Variants in SYMPK observed in about 807,000 individuals in gnomAD.
SYMPK encodes the protein symplekin.
SYMPK carries 49 observed loss-of-function variants against 136.4 expected under a neutral mutation model. That is an observed-to-expected ratio of 0.36 (90% confidence interval 0.29 to 0.46). The LOEUF is 0.46. Ranked by LOEUF, SYMPK falls within the 20% of genes least tolerant of loss-of-function variation. The pLI, the probability that SYMPK is intolerant of heterozygous loss-of-function variation, is 1.00. For synonymous variants in SYMPK, 766 were observed against 713.0 expected (o/e 1.07, Z -1.19); for missense variants, 1,365 against 1,690.0 (o/e 0.81, Z 3.37).
chr19:45,846,917 C>T (rs1412839894), intron 7 of SYMPK, among the ~76,000 whole-genome samples: 2 of 151,926 alleles, frequency 1.3e-5, no homozygotes, highest in Non-Finnish European at 2.9e-5. Flanking sequence ...CCTCAGCCTC[C>T]CAAGTAGCTG....
intron 18 of SYMPK, among the ~76,000 whole-genome samples, chr19:45,824,691 GTC>G (rs1184518250): frequency 1.3e-4 from 20 of 152,312 alleles, no homozygotes; most frequent in Admixed American, 1.2e-3. Flanking sequence ...TCAGGTGCTA[GTC>G]TGTCACTGAG....
chr19:45,821,563 C>A lies in SYMPK; in HGVS notation c.2792-78G>T, dbSNP rs79977829. The A allele has an allele frequency of 2.1e-6, 2 of 962,140 alleles. No individual in the cohort carries two copies. Among genetic ancestry groups the A allele is most frequent in the East Asian group, 2.5e-5 (1 of 39,598 alleles). The allele number at this position is 962,140 out of a possible 1,614,324, so 59.6% of individuals were successfully genotyped here. On this transcript the variant is annotated intron_variant, in intron 21 of 26. Coordinates refer to ENST00000245934, the MANE Select transcript of SYMPK (RefSeq NM_004819.3). The surrounding 1 kb of genome is among the most constrained non-coding windows in gnomAD (Gnocchi z 4.4). ...AGAGATGGGTCTGAGTTCCCCAGAT[C>A]GGGGGAGCTGCGAGCAAAGATGAGG... is the stretch of plus-strand genomic sequence containing the variant.
intron 9 of SYMPK, among the ~76,000 whole-genome samples, chr19:45,840,312 C>CAAA (rs546768442): frequency 1.2e-4 from 7 of 57,132 alleles, no homozygotes; most frequent in South Asian, 5.6e-4. Flanking sequence ...GAGACTGTCT[C>CAAA]AAAAAAAAAA....
At chr19:45,839,929 G>A (rs1309540513) in intron 9 of SYMPK, among the ~76,000 whole-genome samples, 1 of 152,168 alleles carries the variant, frequency 6.6e-6, no homozygotes, top group Non-Finnish European at 1.5e-5. Flanking sequence ...ATCTCCCCCA[G>A]CTTATTACTG....
chr19:45,835,055 G>C lies in SYMPK; in HGVS notation c.1393+23C>G, dbSNP rs200247244. The stretch of plus-strand genomic sequence containing the variant: ...GCCACAAGTGCCAATCCCTGGCCCA[G>C]GTTAGGGCCAGGACACACTCACCTG... On this transcript the variant is annotated intron_variant, in intron 11 of 26. Transcript: ENST00000245934. 4 of 1,522,622 alleles carry C rather than the reference G, an allele frequency of 2.6e-6. No homozygotes were observed. In the African/African-American group the frequency reaches 4.1e-5, roughly 16 times the overall value. The allele number at this position is 1,522,622 out of a possible 1,614,324, so 94.3% of individuals were successfully genotyped here. A position where few individuals can be genotyped will look rare whatever the true frequency, so the allele number is the denominator to read the frequency against.
At position 45,815,480 on chromosome 19, in the gene SYMPK, G is replaced by T; in HGVS notation, c.*80C>A. Reference sequence around the variant, plus strand: ...TTCACATCTTTTATTTCTTTTTAAGGCAAAGCACCCGCAGGTCAAGCCCCG... The same window carrying T: ...TTCACATCTTTTATTTCTTTTTAAGTCAAAGCACCCGCAGGTCAAGCCCCG... On this transcript the variant is annotated 3_prime_UTR_variant, in exon 27 of 27. Coordinates refer to ENST00000245934, the MANE Select transcript of SYMPK (RefSeq NM_004819.3). 2 of 1,217,452 alleles carry T rather than the reference G, an allele frequency of 1.6e-6. No homozygotes were observed. The highest frequency in any genetic ancestry group is 2.2e-6 in the Non-Finnish European group (2 of 899,450). The allele number at this position is 1,217,452 out of a possible 1,614,324, so 75.4% of individuals were successfully genotyped here.
intron 8 of SYMPK, among the ~76,000 whole-genome samples, chr19:45,843,713 G>T (rs553410843): frequency 6.6e-6 from 1 of 152,044 alleles, no homozygotes; most frequent in East Asian, 1.9e-4. Flanking sequence ...TTAGGAGGCC[G>T]AGGCAGGCGA....
intron 23 of SYMPK, chr19:45,817,181 G>C: frequency 1.8e-6 from 1 of 547,542 alleles, no homozygotes; most frequent in Non-Finnish European, 3.1e-6. Context: ...CTTGGGAAGG[G>C]GGTGGAAGAA....
chr19:45,825,427 A>G, intron 17 of SYMPK, 96 bp from the exon 18 acceptor site: 1 of 1,424,822 alleles, frequency 7.0e-7, no homozygotes, highest in Non-Finnish European at 9.4e-7. Context: ...GGAGCCGGGG[A>G]GGGCAGAGAA....
chr19:45,854,310 C>A, intron 2 of SYMPK, 70 bp from the exon 3 acceptor site: 11 of 1,607,064 alleles, frequency 6.8e-6, no homozygotes, highest in Non-Finnish European at 9.4e-6. Context: ...CTCGGCACTC[C>A]CAGGGCTCTG....
chr19:45,848,565 A>AAG (rs1234779459), intron 6 of SYMPK, among the ~76,000 whole-genome samples, 185 bp downstream of exon 6: 1 of 152,212 alleles, frequency 6.6e-6, no homozygotes, highest in African/African-American at 2.4e-5. Context: ...GGAAGGAATG[A>AAG]AGGTTAAGTG....
rs1480833880 is a variant in SYMPK at position 45,821,520 on chromosome 19, G to A, written c.2792-35C>T. On this transcript the variant is annotated intron_variant, in intron 21 of 26. Coordinates refer to ENST00000245934, the MANE Select transcript of SYMPK (RefSeq NM_004819.3). This position sits in a 1 kb window ranked among gnomAD's most constrained non-coding sequence, Gnocchi z 4.4. Reference sequence around the variant, plus strand: ...GCGGGAGGAAGGGTGGGGGAAGACAGTGCGGACGCATAAGTGAAGAGATGG... The same window carrying A: ...GCGGGAGGAAGGGTGGGGGAAGACAATGCGGACGCATAAGTGAAGAGATGG... 1 of 1,457,948 alleles carries A rather than the reference G, an allele frequency of 6.9e-7. No homozygotes were observed. Among genetic ancestry groups the A allele is most frequent in the South Asian group, 1.1e-5 (1 of 87,250 alleles). The allele number at this position is 1,457,948 out of a possible 1,614,324, so 90.3% of individuals were successfully genotyped here.
In SYMPK at chr19:45,826,277, G is replaced by A. The variant is rs377480880; in HGVS notation, c.2278C>T (p.Leu760=). Residue 760 remains leucine, a synonymous_variant, in exon 17 of 27, where the codon CTG becomes TTG. Coordinates refer to ENST00000245934, the MANE Select transcript of SYMPK (RefSeq NM_004819.3). ...ACAGACGGTGGGTTGGGGTGCACCA[G>A]GAGCTGCAGGTAGTTGAGGGCAAAT... The part of the protein sequence containing the change: ...EKFALNYLQL[L]VHPNPPSVLF... 16 of 1,613,662 alleles carry A rather than the reference G, an allele frequency of 9.9e-6. No homozygotes were observed. In the Admixed American group the frequency reaches 1.3e-4, roughly 13 times the overall value.
At chr19:45,852,443 C>T in intron 4 of SYMPK, 39 bp downstream of exon 4, 1 of 1,614,174 alleles carries the variant, frequency 6.2e-7, no homozygotes. Flanking sequence ...ATCCCCTTTC[C>T]CCTACACCAC....
Position 45,818,107 on chromosome 19 carries a change from G to A in SYMPK, c.2933C>T (p.Ser978Leu). 1 of 1,556,084 alleles carries A rather than the reference G, an allele frequency of 6.4e-7. No homozygotes were observed. The highest frequency in any genetic ancestry group is 8.7e-7 in the Non-Finnish European group (1 of 1,149,748). Residue 978 changes from serine (S) to leucine (L), a missense_variant, in exon 23 of 27, where the codon TCA becomes TTA. This residue lies in a region of SYMPK where 156 missense variants were observed against 217.8 expected (regional missense o/e 0.72). Transcript: ENST00000245934. ...CTGCATCACCACGGCCAGCACCTCT[G>A]ACGTGTACACGTTCCGCTCCGCAAA... ...LCFAERNVYT[S>L]EVLAVVMQQL...
Position 45,827,630 on chromosome 19 carries a change from C to T in SYMPK, c.2068-7G>A. On this transcript the variant is annotated splice_region_variant and splice_polypyrimidine_tract_variant and intron_variant, in intron 15 of 26. Coordinates refer to ENST00000245934, the MANE Select transcript of SYMPK (RefSeq NM_004819.3). ...TGCCCAGATAGGTGCGACTCTGCAG[C>T]AAAAGGAAAGGGACCCGAGCTCAGC... The T allele has an allele frequency of 6.2e-7, 1 of 1,613,164 alleles. No homozygotes were observed. The highest frequency in any genetic ancestry group is 8.5e-7 in the Non-Finnish European group (1 of 1,179,146).
At chr19:45,860,210 C>G (rs971623844) in intron 1 of SYMPK, among the ~76,000 whole-genome samples, 5 of 151,784 alleles carry the variant, frequency 3.3e-5, no homozygotes, top group African/African-American at 1.2e-4. Flanking sequence ...AATGCCAGCA[C>G]TTTGGGAGGC....
intron 22 of SYMPK, chr19:45,819,181 G>T (rs138436946): frequency 0.017 from 2,524 of 152,450 alleles, 194 homozygotes; most frequent in Admixed American, 0.14. Flanking sequence ...TTCCCTGTCG[G>T]CTTTGCCCCA....
chr19:45,824,137 C>T, intron 18 of SYMPK: 1 of 448,474 alleles, frequency 2.2e-6, no homozygotes, highest in Non-Finnish European at 4.1e-6. Context: ...CTCTGTGGCT[C>T]AGACTTGACC....
Sources: allele counts gnomAD v4.1 joint callset (sites outside exome capture counted in the v4.1 genomes callset), GRCh38; gene constraint gnomAD v4.1.1; regional missense constraint gnomAD v4.1.1; non-coding constraint Gnocchi (gnomAD v3.1); transcripts MANE v1.5; gene names NCBI Gene and HGNC (gene_info 2026-07-23, HGNC 2026-07-21).